Variants in PTPRN2 observed in about 807,000 individuals in gnomAD.
The protein encoded by PTPRN2 is receptor-type tyrosine-protein phosphatase N2.
Under a neutral mutation model 118.8 loss-of-function variants are expected in PTPRN2, and 74 were observed. That is an observed-to-expected ratio of 0.62 (90% CI 0.52 to 0.76). PTPRN2 has a LOEUF of 0.76. Among genes scored for constraint, PTPRN2 ranks in the 30% least tolerant of loss-of-function variants. PTPRN2 has a pLI of 0.00. For synonymous variants in PTPRN2, 641 were observed against 608.0 expected (o/e 1.05, Z -0.80); for missense variants, 1,481 against 1,394.4 (o/e 1.06, Z -0.99).
intron 12 of PTPRN2, among the ~76,000 whole-genome samples, chr7:157,817,599 C>A (rs1777499297): frequency 6.6e-6 from 1 of 152,216 alleles, no homozygotes; most frequent in Non-Finnish European, 1.5e-5. Context: ...GAGAATGCAT[C>A]TGAGAGGACC....
chr7:158,377,588 T>G (rs1029778938), intron 2 of PTPRN2, among the ~76,000 whole-genome samples: 1 of 151,940 alleles, frequency 6.6e-6, no homozygotes, highest in Non-Finnish European at 1.5e-5. Flanking sequence ...GGGGTGGAAA[T>G]GCACACACAA....
intron 11 of PTPRN2, among the ~76,000 whole-genome samples, chr7:158,026,003 G>A (rs946811037): frequency 2.0e-5 from 3 of 152,260 alleles, no homozygotes; most frequent in Non-Finnish European, 2.9e-5. Context: ...GGAAGGGGCA[G>A]CGGCTTCCCT....
rs1346461820 is a variant in PTPRN2 at position 157,764,679 on chromosome 7, C to T, written c.1789-81742G>A. Among the ~76,000 whole-genome samples, 1 of 152,036 alleles carries T rather than the reference C, an allele frequency of 6.6e-6. No homozygotes were observed. Among genetic ancestry groups the T allele is most frequent in the African/African-American group, 2.4e-5 (1 of 41,364 alleles). ...CACAGTATTTTGAATGTAAATACTACCACTAAATTGTACATTTAAAGGTTA... is the reference window on the plus strand; with the variant it reads ...CACAGTATTTTGAATGTAAATACTATCACTAAATTGTACATTTAAAGGTTA... On this transcript the variant is annotated intron_variant, in intron 12 of 22. Transcript: ENST00000389418. This position sits in a 1 kb window ranked among gnomAD's most constrained non-coding sequence, Gnocchi z 4.5.
chr7:157,924,328 C>T (rs1202968170), intron 11 of PTPRN2, among the ~76,000 whole-genome samples: 1 of 152,198 alleles, frequency 6.6e-6, no homozygotes, highest in Non-Finnish European at 1.5e-5. Flanking sequence ...GCCCTGGGCT[C>T]AAAGCTGAGG....
Position 158,563,952 on chromosome 7 carries a change from G to A in PTPRN2, c.112+23606C>T, listed in dbSNP as rs1160683618. On this transcript the variant is annotated intron_variant, in intron 1 of 22. Coordinates refer to ENST00000389418, the MANE Select transcript of PTPRN2 (RefSeq NM_002847.5). This position sits in a 1 kb window ranked among gnomAD's most constrained non-coding sequence, Gnocchi z 5.1. ...GCTCTGATGCCACAGTGCCTGGGAT[G>A]TCTACGAAACACACATCATGACAGC... Among the ~76,000 whole-genome samples, 2 of 152,234 alleles carry A rather than the reference G, an allele frequency of 1.3e-5. No individual in the cohort carries two copies. Among genetic ancestry groups the A allele is most frequent in the African/African-American group, 4.8e-5 (2 of 41,458 alleles).
intron 2 of PTPRN2, among the ~76,000 whole-genome samples, chr7:158,405,456 T>C (rs1474714766): frequency 6.6e-6 from 1 of 152,226 alleles, no homozygotes; most frequent in East Asian, 1.9e-4. Context: ...AATGTTTTTT[T>C]AGCATGATGC....
At position 158,192,385 on chromosome 7, in the gene PTPRN2, G is replaced by A. The variant is rs147321445; in HGVS notation, c.491C>T (p.Ala164Val). The change falls in exon 5 of 23, where the codon GCC becomes GTC. Residue 164 changes from alanine to valine, a missense_variant. By Grantham distance (64) the Ala-to-Val change is moderately conservative. This residue lies in a region of PTPRN2 where 1,115 missense variants were observed against 994.2 expected (regional missense o/e 1.12). Coordinates refer to ENST00000389418, the MANE Select transcript of PTPRN2 (RefSeq NM_002847.5). The stretch of plus-strand genomic sequence containing the variant: ...CCTGGCGAGCACGTCTGAGGCTGGG[G>A]CCTGGGACAGGGCCTCCAGGAAGGG... The part of the protein sequence containing the change: ...HLPFLEALSQ[A>V]PASDVLARTH... 6.5e-5 allele frequency: 99 copies of A among 1,530,680 alleles called. No individual in the cohort carries two copies. The African/African-American group carries it at 1.1e-3, about 16-fold the overall frequency. 94.8% of individuals were successfully genotyped at this position (1,530,680 alleles called of 1,614,324 possible).
chr7:158,053,680 C>G (rs986811856), intron 11 of PTPRN2, among the ~76,000 whole-genome samples: 2 of 150,210 alleles, frequency 1.3e-5, no homozygotes, highest in Non-Finnish European at 2.9e-5. Context: ...TGTGGGACAG[C>G]CGCTGCGGAA....
chr7:157,562,691 G>C (rs1450546586), intron 21 of PTPRN2, among the ~76,000 whole-genome samples: 1 of 149,134 alleles, frequency 6.7e-6, no homozygotes. Context: ...ACCACACACA[G>C]CAGATCAGGA....
chr7:157,678,993 GA>G (rs1796794766), intron 13 of PTPRN2, among the ~76,000 whole-genome samples: 2 of 151,678 alleles, frequency 1.3e-5, no homozygotes, highest in African/African-American at 4.8e-5. Context: ...ATAGAAATAG[GA>G]CACCTACATG....
chr7:157,791,527 C>G (rs1319212768), intron 12 of PTPRN2, among the ~76,000 whole-genome samples: 2 of 148,894 alleles, frequency 1.3e-5, no homozygotes, highest in Non-Finnish European at 3.0e-5. Flanking sequence ...CCTCCCTGCA[C>G]CCGCCCCCGC....
chr7:157,673,510 G>A (rs976459515), intron 13 of PTPRN2, among the ~76,000 whole-genome samples: 5 of 152,112 alleles, frequency 3.3e-5, no homozygotes, highest in East Asian at 1.9e-4. Flanking sequence ...CCCACCTCAC[G>A]TCCACATAAA....
chr7:158,050,666 G>A (rs772061685), intron 11 of PTPRN2, among the ~76,000 whole-genome samples: 15 of 152,194 alleles, frequency 9.9e-5, no homozygotes, highest in Non-Finnish European at 1.9e-4. Flanking sequence ...TCTGTGCTAG[G>A]GTGGGTAGGG....
intron 11 of PTPRN2, among the ~76,000 whole-genome samples, chr7:158,078,780 G>T (rs143939545): frequency 1.3e-5 from 2 of 152,180 alleles, no homozygotes; most frequent in Admixed American, 1.3e-4. Context: ...ACATGGGCAT[G>T]TCCACTGCCT....
chr7:158,238,015 C>T (rs1305070135), intron 3 of PTPRN2, among the ~76,000 whole-genome samples: 1 of 152,152 alleles, frequency 6.6e-6, no homozygotes, highest in Non-Finnish European at 1.5e-5. Context: ...CTCCCGACGT[C>T]CCTGGAGGCC....
At chr7:158,255,451 G>A (rs1796961933) in intron 3 of PTPRN2, among the ~76,000 whole-genome samples, 1 of 152,106 alleles carries the variant, frequency 6.6e-6, no homozygotes, top group South Asian at 2.1e-4. Flanking sequence ...AAAGATCCGC[G>A]GCCGAACCAC....
chr7:158,009,595 A>C (rs1225052719), intron 11 of PTPRN2, among the ~76,000 whole-genome samples: 1 of 152,206 alleles, frequency 6.6e-6, no homozygotes, highest in Non-Finnish European at 1.5e-5. Context: ...TTAGATGAGT[A>C]AAATTTTCCC....
At chr7:158,127,269 C>A (rs1271375494) in intron 9 of PTPRN2, among the ~76,000 whole-genome samples, 1 of 151,594 alleles carries the variant, frequency 6.6e-6, no homozygotes, top group African/African-American at 2.4e-5. Context: ...AGAGGCTGCT[C>A]ATCCGTGCAC....
At chr7:158,355,108 C>T (rs1435704220) in intron 2 of PTPRN2, among the ~76,000 whole-genome samples, 2 of 152,150 alleles carry the variant, frequency 1.3e-5, no homozygotes, top group Non-Finnish European at 2.9e-5. Context: ...TAAATTCTTT[C>T]CCAGACGAAC....
Sources: gnomAD v4.1 joint callset for allele counts (sites outside exome capture counted in the v4.1 genomes callset) on GRCh38, gnomAD v4.1.1 for gene constraint, gnomAD v4.1.1 regional missense constraint, Gnocchi (gnomAD v3.1) non-coding constraint, MANE v1.5 for transcripts, NCBI Gene and HGNC (gene_info 2026-07-23, HGNC 2026-07-21) for gene names.